The following DSCAM variants were observed in gnomAD, a reference collection of about 807,000 sequenced individuals.
DSCAM encodes cell adhesion molecule DSCAM.
In DSCAM, 47 loss-of-function variants were observed where a neutral mutation model predicts 217.7. The observed-to-expected ratio is 0.22, with a 90% confidence interval of 0.17 to 0.28. DSCAM has a LOEUF of 0.28. DSCAM is among the 10% of genes least tolerant of loss of function. The pLI is 1.00. For missense variants in DSCAM, 2,080 were observed against 2,618.3 expected (o/e 0.79, Z 4.49); for synonymous variants, 1,056 against 1,015.3 (o/e 1.04, Z -0.76).
intron 3 of DSCAM, among the ~76,000 whole-genome samples, chr21:40,578,966 TTGA>T (rs1470999540): frequency 6.6e-6 from 1 of 152,168 alleles, no homozygotes; most frequent in Admixed American, 6.5e-5. Flanking sequence ...ATAATACAAC[TTGA>T]TGATGTAAAT....
At chr21:40,746,691 G>A (rs1050510418) in intron 1 of DSCAM, among the ~76,000 whole-genome samples, 2 of 151,728 alleles carry the variant, frequency 1.3e-5, no homozygotes, top group African/African-American at 2.4e-5. Context: ...AAGAGACGTT[G>A]GATTTAAACA....
At chr21:40,316,099 T>C (rs77059494) in intron 8 of DSCAM, among the ~76,000 whole-genome samples, 2,742 of 152,246 alleles carry the variant, frequency 0.018, 88 homozygotes, top group African/African-American at 0.062. Context: ...AAAAGATACA[T>C]TTAAAATATT....
At chr21:40,192,437 C>T (rs1483402268) in intron 11 of DSCAM, among the ~76,000 whole-genome samples, 3 of 152,182 alleles carry the variant, frequency 2.0e-5, no homozygotes, top group Non-Finnish European at 4.4e-5. Flanking sequence ...GCTTTCCGCC[C>T]TTTACTCTGC....
intron 11 of DSCAM, among the ~76,000 whole-genome samples, chr21:40,218,443 T>C (rs1461843460): frequency 6.6e-6 from 1 of 152,208 alleles, no homozygotes; most frequent in Non-Finnish European, 1.5e-5. Context: ...TCCAGCTTTG[T>C]TCTTTTTGCT....
In DSCAM at chr21:40,121,271, T is replaced by C. The variant is rs557998802; in HGVS notation, c.3696+2924A>G. On this transcript the variant is annotated intron_variant, in intron 20 of 32. Transcript: ENST00000400454. ...AAAAAACACCCTCTTTCCTGTACTT[T>C]AAAGTTTCTTGATCATTTCATATTT... Among the ~76,000 whole-genome samples, 163 of 152,322 alleles carry C rather than the reference T, an allele frequency of 1.1e-3. 1 individual carries two copies. Among genetic ancestry groups the C allele is most frequent in the Non-Finnish European group, 1.8e-3 (121 of 68,034 alleles).
At chr21:40,266,237 C>T (rs1046602162) in intron 11 of DSCAM, among the ~76,000 whole-genome samples, 1 of 90,862 alleles carries the variant, frequency 1.1e-5, no homozygotes, top group African/African-American at 1.0e-4. Context: ...TGGCCAAAAA[C>T]GTGTGAAAAA....
chr21:40,764,700 C>T (rs1423478459), intron 1 of DSCAM, among the ~76,000 whole-genome samples: 1 of 152,122 alleles, frequency 6.6e-6, no homozygotes, highest in Non-Finnish European at 1.5e-5. Flanking sequence ...GGAACCAACC[C>T]AAATACCCAT....
rs868489372 is a variant in DSCAM, at chr21:40,398,169, T to C, written c.509-28924A>G. Among the ~76,000 whole-genome samples, 3 of 152,326 alleles carry C rather than the reference T, an allele frequency of 2.0e-5. 1 individual carries two copies. The highest frequency in any genetic ancestry group is 1.5e-5 in the Non-Finnish European group (1 of 68,036). On this transcript the variant is annotated intron_variant, in intron 3 of 32. Transcript: ENST00000400454. ...TCTACAAACTACGGAATCTTCATGCTCTGGGCACTTATACACTCTTAGGGG... is the reference window on the plus strand; with the variant it reads ...TCTACAAACTACGGAATCTTCATGCCCTGGGCACTTATACACTCTTAGGGG...
At chr21:40,588,785 G>C (rs2076964009) in intron 3 of DSCAM, among the ~76,000 whole-genome samples, 1 of 151,984 alleles carries the variant, frequency 6.6e-6, no homozygotes, top group African/African-American at 2.4e-5. Flanking sequence ...TCTACATGTG[G>C]AAAAACATTT....
At chr21:40,516,303 C>T (rs751787707) in intron 3 of DSCAM, among the ~76,000 whole-genome samples, 3 of 152,030 alleles carry the variant, frequency 2.0e-5, no homozygotes, top group Non-Finnish European at 4.4e-5. Flanking sequence ...TATCTGGTGC[C>T]CCTGGGGTGA....
intron 3 of DSCAM, among the ~76,000 whole-genome samples, chr21:40,664,599 C>T (rs145639719): frequency 2.6e-5 from 4 of 152,310 alleles, no homozygotes; most frequent in African/African-American, 9.6e-5. Context: ...AGGAAGTGTT[C>T]CATGCTTTCA....
At chr21:40,579,194 T>A (rs2076882805) in intron 3 of DSCAM, among the ~76,000 whole-genome samples, 1 of 151,958 alleles carries the variant, frequency 6.6e-6, no homozygotes. Context: ...TTTTGGATCA[T>A]CTGAAAGCAA....
chr21:40,298,753 T>C (rs1238407467), intron 9 of DSCAM, among the ~76,000 whole-genome samples: 2 of 152,166 alleles, frequency 1.3e-5, no homozygotes, highest in Non-Finnish European at 2.9e-5. Flanking sequence ...GCTCAAGTTC[T>C]GCCAAGAGCA....
At chr21:40,594,905 T>G (rs2077010103) in intron 3 of DSCAM, among the ~76,000 whole-genome samples, 1 of 152,152 alleles carries the variant, frequency 6.6e-6, no homozygotes, top group Admixed American at 6.5e-5. Flanking sequence ...TTCATGCTCT[T>G]GAGCCCAATT....
intron 3 of DSCAM, among the ~76,000 whole-genome samples, chr21:40,479,641 C>A (rs368668770): frequency 6.6e-6 from 1 of 152,206 alleles, no homozygotes; most frequent in South Asian, 2.1e-4. Flanking sequence ...TTCACTATCA[C>A]GAGAACAGCA....
chr21:40,366,202 A>T (rs1012665712), intron 4 of DSCAM, among the ~76,000 whole-genome samples: 3 of 151,846 alleles, frequency 2.0e-5, no homozygotes, highest in African/African-American at 4.8e-5. Flanking sequence ...ATGACAGGAG[A>T]CTTTTTTTGA....
chr21:40,443,509 A>C (rs181387198), intron 3 of DSCAM, among the ~76,000 whole-genome samples: 7 of 152,252 alleles, frequency 4.6e-5, no homozygotes, highest in Middle Eastern at 6.8e-3. Context: ...CCTGCTGGGG[A>C]AGCCAGGTTT....
Position 40,115,456 on chromosome 21 carries a change from C to T in DSCAM, c.3696+8739G>A, listed in dbSNP as rs575060789. On this transcript the variant is annotated intron_variant, in intron 20 of 32. Transcript: ENST00000400454. ...GGAGGAATAGCATTAGGAGATATAC[C>T]TAATGTTAAATGACTAGTTAATGGG... 3.3e-5 allele frequency among the ~76,000 whole-genome samples: 5 copies of T among 152,130 alleles called. No homozygotes were observed. The East Asian group carries it at 7.8e-4, about 24-fold the overall frequency.
rs1444658398 is a variant in DSCAM, at chr21:40,388,583, T to C, written c.509-19338A>G. 2.0e-5 allele frequency among the ~76,000 whole-genome samples: 3 copies of C among 152,308 alleles called. No homozygotes were observed. The East Asian group carries it at 5.8e-4, about 29-fold the overall frequency. The stretch of plus-strand genomic sequence containing the variant: ...CTTTACAGTTTCCATAAGGCTGTCA[T>C]GGTCATTACTCTATTTAATCTTCAT... On this transcript the variant is annotated intron_variant, in intron 3 of 32. Transcript: ENST00000400454.
Sources: allele counts gnomAD v4.1 joint callset (sites outside exome capture counted in the v4.1 genomes callset), GRCh38; gene constraint gnomAD v4.1.1; transcripts MANE v1.5; gene names NCBI Gene and HGNC (gene_info 2026-07-23, HGNC 2026-07-21).